Variants in ADAM22 observed in about 807,000 individuals in gnomAD.
ADAM22 encodes ADAM metallopeptidase domain 22.
Under a neutral mutation model 144.6 loss-of-function variants are expected in ADAM22, and 65 were observed. The ratio of observed to expected loss-of-function variants is 0.45; its 90% CI spans 0.37 to 0.55. The LOEUF (loss-of-function observed/expected upper bound fraction) is 0.55. Among genes scored for constraint, ADAM22 ranks in the 20% least tolerant of loss-of-function variants. The pLI is 0.00. For missense variants in ADAM22, 974 were observed against 1,184.9 expected (o/e 0.82, Z 2.61); for synonymous variants, 391 against 412.6 (o/e 0.95, Z 0.63).
In ADAM22 at chr7:88,145,175, G is replaced by A. The variant is rs1484172202; in HGVS notation, c.1371G>A (p.Glu457=). Residue 457 remains glutamate (E), a synonymous_variant, in exon 16 of 32, where the codon GAG becomes GAA. Coordinates refer to ENST00000413139, the MANE Select transcript of ADAM22 (RefSeq NM_001324418.2). ...CGNGFIETGE[E]CDCGTPAECV... Reference sequence around the variant, plus strand: ...ATGGCTTCATTGAAACTGGAGAGGAGTGTGATTGTGGAACCCCGGCCGTAA... The same window carrying A: ...ATGGCTTCATTGAAACTGGAGAGGAATGTGATTGTGGAACCCCGGCCGTAA... 1.2e-6 allele frequency: 2 copies of A among 1,613,778 alleles called. No homozygotes were observed. The highest frequency in any genetic ancestry group is 8.5e-7 in the Non-Finnish European group (1 of 1,179,854).
At chr7:88,091,259 A>G (rs1331249212) in intron 4 of ADAM22, among the ~76,000 whole-genome samples, 2 of 152,190 alleles carry the variant, frequency 1.3e-5, no homozygotes, top group Non-Finnish European at 2.9e-5. Flanking sequence ...ACTTAAGGCT[A>G]CTGATGGATT....
intron 3 of ADAM22, among the ~76,000 whole-genome samples, chr7:87,982,068 T>TATATATATATACAC (rs1244517564): frequency 5.3e-5 from 5 of 93,720 alleles, no homozygotes; most frequent in East Asian, 3.8e-4. Context: ...TATATATATA[T>TATATATATATACAC]ACACACACAC....
chr7:88,172,787 A>T (rs1409970839), intron 26 of ADAM22, among the ~76,000 whole-genome samples: 1 of 151,978 alleles, frequency 6.6e-6, no homozygotes, highest in Admixed American at 6.6e-5. Context: ...TTTAAGAACA[A>T]CCAGATTTCT....
intron 7 of ADAM22, among the ~76,000 whole-genome samples, chr7:88,119,118 T>C (rs541796673): frequency 6.6e-6 from 1 of 152,300 alleles, no homozygotes; most frequent in East Asian, 1.9e-4. Flanking sequence ...CATGTACCTG[T>C]CTCAGGACTA....
intron 2 of ADAM22, among the ~76,000 whole-genome samples, chr7:87,936,093 T>C (rs1165943291): frequency 6.6e-6 from 1 of 152,144 alleles, no homozygotes. Context: ...AATATATTCA[T>C]CAGTGCTTTA....
At chr7:88,175,374 A>C (rs966045347) in intron 26 of ADAM22, among the ~76,000 whole-genome samples, 2 of 152,324 alleles carry the variant, frequency 1.3e-5, no homozygotes, top group East Asian at 3.9e-4. Flanking sequence ...TCATTAAGTT[A>C]CAGGGGTTGA....
intron 2 of ADAM22, among the ~76,000 whole-genome samples, chr7:87,968,073 G>T (rs187804580): frequency 2.3e-4 from 35 of 152,150 alleles, no homozygotes; most frequent in Non-Finnish European, 4.4e-5. Flanking sequence ...AATAATGCAG[G>T]AATTTAGTAA....
At chr7:87,992,874 C>A (rs540035521) in intron 3 of ADAM22, among the ~76,000 whole-genome samples, 111 of 152,110 alleles carry the variant, frequency 7.3e-4, no homozygotes, top group Non-Finnish European at 1.2e-3. Context: ...TGTAGGGAAA[C>A]GGAACCTTTT....
At chr7:88,172,885 T>A (rs1313854560) in intron 26 of ADAM22, among the ~76,000 whole-genome samples, 2 of 152,010 alleles carry the variant, frequency 1.3e-5, no homozygotes, top group East Asian at 1.9e-4. Flanking sequence ...AGAGGTTGAT[T>A]GATCGTATTA....
At chr7:88,114,035 C>T (rs1827052511) in intron 5 of ADAM22, among the ~76,000 whole-genome samples, 1 of 151,920 alleles carries the variant, frequency 6.6e-6, no homozygotes, top group Non-Finnish European at 1.5e-5. Context: ...CGTTGTACTT[C>T]TCTTGTAGAT....
At chr7:88,156,650 T>C (rs1362842665) in intron 22 of ADAM22, among the ~76,000 whole-genome samples, 3 of 151,960 alleles carry the variant, frequency 2.0e-5, no homozygotes, top group Non-Finnish European at 4.4e-5. Flanking sequence ...GATGAAAGGC[T>C]GTTAAAAAAG....
In ADAM22 at chr7:88,039,464, A is replaced by AAAAAAAAAAAAAAAT; in HGVS notation, c.324-36161_324-36160insAAAAAAAAAAAAATA. Among the ~76,000 whole-genome samples the AAAAAAAAAAAAAAAT allele has an allele frequency of 1.7e-3, 130 of 76,368 alleles. 3 individuals carry two copies. The highest frequency in any genetic ancestry group is 5.3e-3 in the East Asian group (10 of 1,886). The allele number at this position is 76,368 out of a possible 152,430, so 50.1% of individuals were successfully genotyped here. ...GATTCTGTCTCAAAAAAAAAAAAAA[A>AAAAAAAAAAAAAAAT]ATATATATATATATATATATACATT... On this transcript the variant is annotated intron_variant, in intron 3 of 31. Coordinates refer to ENST00000413139, the MANE Select transcript of ADAM22 (RefSeq NM_001324418.2).
At chr7:88,136,389 C>G (rs1169325346) in intron 14 of ADAM22, among the ~76,000 whole-genome samples, 1 of 151,986 alleles carries the variant, frequency 6.6e-6, no homozygotes, top group Non-Finnish European at 1.5e-5. Context: ...TAGAAAACAG[C>G]CTGGATTTGT....
At chr7:88,158,590 G>A (rs1018966244) in intron 22 of ADAM22, among the ~76,000 whole-genome samples, 2 of 151,812 alleles carry the variant, frequency 1.3e-5, no homozygotes, top group Non-Finnish European at 1.5e-5. Flanking sequence ...AATAGAAATC[G>A]AGACTTAAAT....
chr7:87,980,745 T>C (rs1273946962), intron 3 of ADAM22, among the ~76,000 whole-genome samples: 1 of 152,128 alleles, frequency 6.6e-6, no homozygotes, highest in Non-Finnish European at 1.5e-5. Context: ...AGGAGGCTGA[T>C]AAAAATATGG....
intron 2 of ADAM22, among the ~76,000 whole-genome samples, chr7:87,941,481 T>C (rs1048169059): frequency 6.6e-6 from 1 of 152,144 alleles, no homozygotes; most frequent in Non-Finnish European, 1.5e-5. Flanking sequence ...TTTGGAAGTA[T>C]TTTGCGAGGG....
At chr7:87,992,464 T>G (rs1165437073) in intron 3 of ADAM22, among the ~76,000 whole-genome samples, 3 of 152,184 alleles carry the variant, frequency 2.0e-5, no homozygotes, top group African/African-American at 7.2e-5. Flanking sequence ...CGTTAGTACG[T>G]TTTTCATAAA....
At chr7:87,992,355 G>C (rs1790111719) in intron 3 of ADAM22, among the ~76,000 whole-genome samples, 1 of 152,090 alleles carries the variant, frequency 6.6e-6, no homozygotes, top group African/African-American at 2.4e-5. Context: ...GGAAGGTGTT[G>C]GTGACTCCAC....
chr7:88,016,452 T>G (rs1326452709), intron 3 of ADAM22, among the ~76,000 whole-genome samples: 1 of 152,204 alleles, frequency 6.6e-6, no homozygotes, highest in Non-Finnish European at 1.5e-5. Context: ...TCTAGTTCCT[T>G]TTAGTGGACA....
Sources: gnomAD v4.1 joint callset for allele counts (sites outside exome capture counted in the v4.1 genomes callset) on GRCh38, gnomAD v4.1.1 for gene constraint, MANE v1.5 for transcripts, NCBI Gene and HGNC (gene_info 2026-07-23, HGNC 2026-07-21) for gene names.